ADGRL3: variants seen among roughly 807,000 people sequenced by gnomAD.
ADGRL3 encodes the protein calcium-independent alpha-latrotoxin receptor 3.
ADGRL3 carries 62 observed loss-of-function variants against 153.5 expected under a neutral mutation model. The ratio of observed to expected loss-of-function variants is 0.40; its 90% CI spans 0.33 to 0.50. ADGRL3 has a LOEUF of 0.50. Ranked by LOEUF, ADGRL3 falls within the 20% of genes least tolerant of loss-of-function variation. ADGRL3 has a pLI of 0.47. For missense variants in ADGRL3, 1,641 were observed against 1,859.4 expected (o/e 0.88, Z 2.16); for synonymous variants, 710 against 672.5 (o/e 1.06, Z -0.86).
intron 1 of ADGRL3, among the ~76,000 whole-genome samples, chr4:61,349,693 T>G (rs1053086542): frequency 1.3e-5 from 2 of 152,158 alleles, no homozygotes. Flanking sequence ...TAATGCTCAA[T>G]AAATACTAGT....
At chr4:61,465,950 C>T (rs2097877604) in intron 2 of ADGRL3, among the ~76,000 whole-genome samples, 1 of 151,408 alleles carries the variant, frequency 6.6e-6, no homozygotes, top group Non-Finnish European at 1.5e-5. Context: ...CGTGAAACAC[C>T]CTCTGTACTC....
intron 3 of ADGRL3, among the ~76,000 whole-genome samples, chr4:61,504,385 T>C (rs2098413454): frequency 6.6e-6 from 1 of 152,198 alleles, no homozygotes; most frequent in Non-Finnish European, 1.5e-5. Context: ...GGATATTTAA[T>C]AGTGCACATT....
chr4:61,470,362 G>A (rs2097933802), intron 2 of ADGRL3, among the ~76,000 whole-genome samples: 1 of 151,768 alleles, frequency 6.6e-6, no homozygotes, highest in African/African-American at 2.4e-5. Context: ...GTCTGCAGGA[G>A]GGTCAACTAT....
intron 2 of ADGRL3, among the ~76,000 whole-genome samples, chr4:61,393,026 C>T (rs1228343613): frequency 6.6e-6 from 1 of 151,842 alleles, no homozygotes; most frequent in Non-Finnish European, 1.5e-5. Context: ...TAGGAAGAAC[C>T]CTGGATAAGG....
intron 9 of ADGRL3, among the ~76,000 whole-genome samples, chr4:61,833,378 G>C (rs1227853118): frequency 2.0e-5 from 3 of 152,174 alleles, no homozygotes; most frequent in Non-Finnish European, 4.4e-5. Context: ...AATTCGCTGA[G>C]AGCCAGCTGT....
At chr4:61,413,082 G>A (rs1247051050) in intron 2 of ADGRL3, among the ~76,000 whole-genome samples, 1 of 152,180 alleles carries the variant, frequency 6.6e-6, no homozygotes, top group Non-Finnish European at 1.5e-5. Context: ...AGGAAGGTTA[G>A]TTTGTAGCTG....
chr4:61,412,542 G>C (rs11942106), intron 2 of ADGRL3, among the ~76,000 whole-genome samples: 11 of 152,204 alleles, frequency 7.2e-5, no homozygotes, highest in Non-Finnish European at 1.3e-4. Context: ...GGTGTTGGTG[G>C]TAAAGTGGGT....
intron 9 of ADGRL3, among the ~76,000 whole-genome samples, chr4:61,862,947 C>T (rs1407652225): frequency 6.6e-6 from 1 of 152,084 alleles, no homozygotes. Flanking sequence ...AATTCAGCTT[C>T]CTAAGTCCTG....
intron 6 of ADGRL3, among the ~76,000 whole-genome samples, chr4:61,717,888 G>T (rs911249234): frequency 7.9e-5 from 12 of 152,028 alleles, no homozygotes; most frequent in Non-Finnish European, 4.4e-5. Flanking sequence ...GCAAAAATTA[G>T]CCAGGCATGG....
intron 4 of ADGRL3, among the ~76,000 whole-genome samples, chr4:61,561,869 G>A (rs1300409356): frequency 1.3e-5 from 2 of 151,878 alleles, no homozygotes; most frequent in Non-Finnish European, 2.9e-5. Context: ...CAAACTTCAA[G>A]CCTTAAGCAA....
chr4:61,729,535 T>C (rs1164817248), intron 6 of ADGRL3, among the ~76,000 whole-genome samples: 1 of 151,974 alleles, frequency 6.6e-6, no homozygotes, highest in African/African-American at 2.4e-5. Flanking sequence ...TAAATTTATT[T>C]ATTGTGCATA....
At chr4:61,462,595 G>A (rs899080900) in intron 2 of ADGRL3, among the ~76,000 whole-genome samples, 3 of 151,952 alleles carry the variant, frequency 2.0e-5, no homozygotes, top group African/African-American at 4.8e-5. Context: ...ACTTGATCGT[G>A]CTACTTTCCC....
chr4:61,275,561 G>T (rs2093420863), intron 1 of ADGRL3, among the ~76,000 whole-genome samples: 1 of 152,168 alleles, frequency 6.6e-6, no homozygotes, highest in South Asian at 2.1e-4. Context: ...AGAGTGTCCT[G>T]CATAGTCGAT....
At position 61,844,575 on chromosome 4, in the gene ADGRL3, AAT is replaced by A. The variant is rs57750929; in HGVS notation, c.1480+30707_1480+30708del. On this transcript the variant is annotated intron_variant, in intron 9 of 26. Coordinates refer to ENST00000683033, the MANE Select transcript of ADGRL3 (RefSeq NM_001387552.1). ...AAAAAAAAAAAAAAAAAAAAAAAAA[AAT>A]ATATATATATATATATATATTTACT... Among the ~76,000 whole-genome samples, 107 of 18,100 alleles carry A rather than the reference AAT, an allele frequency of 5.9e-3. 1 individual carries two copies. Among genetic ancestry groups the A allele is most frequent in the Middle Eastern group, 0.12 (1 of 8 alleles). The allele number at this position is 18,100 out of a possible 152,430, so 11.9% of individuals were successfully genotyped here.
At chr4:61,985,506 A>T (rs1466484558) in intron 19 of ADGRL3, among the ~76,000 whole-genome samples, 1 of 152,150 alleles carries the variant, frequency 6.6e-6, no homozygotes, top group Admixed American at 6.5e-5. Context: ...GTGTAGGCTC[A>T]GATGAGGTTA....
chr4:61,627,881 A>T (rs2092927349), intron 5 of ADGRL3, among the ~76,000 whole-genome samples: 1 of 152,070 alleles, frequency 6.6e-6, no homozygotes, highest in Non-Finnish European at 1.5e-5. Context: ...AGTCACTGTC[A>T]TATGTTTTGT....
chr4:62,002,449 A>C (rs1278290769), intron 21 of ADGRL3, among the ~76,000 whole-genome samples: 5 of 151,388 alleles, frequency 3.3e-5, no homozygotes, highest in African/African-American at 1.2e-4. Context: ...TTAAAAATTA[A>C]CTTTTTAAAA....
chr4:61,271,870 A>G (rs766873027), intron 1 of ADGRL3, among the ~76,000 whole-genome samples: 2 of 152,070 alleles, frequency 1.3e-5, no homozygotes, highest in African/African-American at 4.8e-5. Context: ...TGAATGGGTG[A>G]TATATAGTTC....
At chr4:61,914,701 C>T (rs959367920) in intron 13 of ADGRL3, among the ~76,000 whole-genome samples, 2 of 152,034 alleles carry the variant, frequency 1.3e-5, no homozygotes, top group African/African-American at 2.4e-5. Context: ...ATTCACATTC[C>T]ACTATCCTTC....
Sources: allele counts gnomAD v4.1 joint callset (sites outside exome capture counted in the v4.1 genomes callset), GRCh38; gene constraint gnomAD v4.1.1; transcripts MANE v1.5; gene names NCBI Gene and HGNC (gene_info 2026-07-23, HGNC 2026-07-21).